MRPS6: variants seen among roughly 807,000 people sequenced by gnomAD.
MRPS6 encodes the protein mitochondrial ribosomal protein S6, also known as small ribosomal subunit protein bS6m.
Under a neutral mutation model 13.1 loss-of-function variants are expected in MRPS6, and 6 were observed. The ratio of observed to expected loss-of-function variants is 0.46; its 90% CI spans 0.25 to 0.91. MRPS6 has a LOEUF of 0.91. MRPS6 is among the 40% of genes least tolerant of loss of function. MRPS6 has a pLI of 0.18. For synonymous variants in MRPS6, 61 were observed against 56.5 expected (o/e 1.08, Z -0.36); for missense variants, 164 against 155.6 (o/e 1.05, Z -0.29).
intron 1 of MRPS6, among the ~76,000 whole-genome samples, chr21:34,110,928 A>G (rs774171065): frequency 3.3e-4 from 51 of 152,312 alleles, no homozygotes; most frequent in Non-Finnish European, 5.9e-4. Context: ...ACGCTTAGGA[A>G]CACTAGACAG....
intron 1 of MRPS6, among the ~76,000 whole-genome samples, chr21:34,078,178 T>G (rs1989378231): frequency 2.0e-5 from 3 of 152,172 alleles, no homozygotes; most frequent in Admixed American, 1.3e-4. Context: ...CCTAAACAGC[T>G]TAGCCTTGTA....
intron 1 of MRPS6, among the ~76,000 whole-genome samples, chr21:34,119,447 G>A (rs1980044837): frequency 6.6e-6 from 1 of 152,162 alleles, no homozygotes; most frequent in Non-Finnish European, 1.5e-5. Flanking sequence ...GTAAGATTTG[G>A]AATTAAGATT....
Position 34,128,559 on chromosome 21 carries a change from A to G in MRPS6, c.185+3079A>G, listed in dbSNP as rs185858627. Among the ~76,000 whole-genome samples, 159 of 152,318 alleles carry G rather than the reference A, an allele frequency of 1.0e-3. 2 individuals carry two copies. The highest frequency in any genetic ancestry group is 3.6e-3 in the African/African-American group (151 of 41,572). On this transcript the variant is annotated intron_variant, in intron 2 of 2. Coordinates refer to ENST00000399312, the MANE Select transcript of MRPS6 (RefSeq NM_032476.4). ...TCCAGTTTATGCCAAAAATAAAAAT[A>G]TAGTCATTATATTTCAAATATTAGT... is the stretch of plus-strand genomic sequence containing the variant.
intron 1 of MRPS6, chr21:34,105,009 T>A: frequency 1.0e-6 from 1 of 1,000,074 alleles, no homozygotes; most frequent in Non-Finnish European, 1.2e-6. Flanking sequence ...CACTGTGAGA[T>A]CTCTAACTTT....
chr21:34,099,562 T>C (rs1979137522), intron 1 of MRPS6: 1 of 999,896 alleles, frequency 1.0e-6, no homozygotes, highest in Non-Finnish European at 1.2e-6. Flanking sequence ...GGGCAGCCTA[T>C]CTCTTCCATA....
rs1978975717 is a variant in MRPS6, at chr21:34,096,622, T to C, written c.45+22877T>C. 2.5e-6 allele frequency: 4 copies of C among 1,614,180 alleles called. No homozygotes were observed. The highest frequency in any genetic ancestry group is 2.2e-5 in the East Asian group (1 of 44,888). On this transcript the variant is annotated intron_variant, in intron 1 of 2. Coordinates refer to ENST00000399312, the MANE Select transcript of MRPS6 (RefSeq NM_032476.4). The surrounding 1 kb of genome is among the most constrained non-coding windows in gnomAD (Gnocchi z 5.9). ...GAACAAGGGGCTTTCTATGGTGGAA[T>C]GGCTGGCTTTGTTCTTGGAGCAGTC...
intron 1 of MRPS6, among the ~76,000 whole-genome samples, chr21:34,110,844 C>T (rs188248119): frequency 2.0e-5 from 3 of 152,162 alleles, no homozygotes; most frequent in Non-Finnish European, 4.4e-5. Context: ...TGCTCAAGAC[C>T]GATAGCGCTA....
intron 2 of MRPS6, 146 bp downstream of exon 2, chr21:34,125,626 G>A (rs1203328781): frequency 3.2e-6 from 4 of 1,248,506 alleles, no homozygotes; most frequent in Non-Finnish European, 4.3e-6. Context: ...TGGCAGTCTT[G>A]TGTTGCAGAT....
In MRPS6 at chr21:34,137,675, G is replaced by A. The variant is rs779580290; in HGVS notation, c.186-4733G>A. Among the ~76,000 whole-genome samples, 17 of 152,224 alleles carry A rather than the reference G, an allele frequency of 1.1e-4. No individual in the cohort carries two copies. The Middle Eastern group carries it at 0.01, about 91-fold the overall frequency. On this transcript the variant is annotated intron_variant, in intron 2 of 2. Transcript: ENST00000399312. ...TTTCTGGTTTGTTCCCAGTCTTAGG[G>A]GAAGAACATTTAGATATTCACCAGC...
At chr21:34,125,581 C>T in intron 2 of MRPS6, 101 bp downstream of exon 2, 1 of 1,510,502 alleles carries the variant, frequency 6.6e-7, no homozygotes, top group Non-Finnish European at 8.9e-7. Flanking sequence ...CATTGAGACC[C>T]CTGTTGCGCC....
chr21:34,081,172 G>T (rs1989450588), intron 1 of MRPS6, among the ~76,000 whole-genome samples: 1 of 152,028 alleles, frequency 6.6e-6, no homozygotes, highest in Admixed American at 6.5e-5. Flanking sequence ...GTTTTACAAG[G>T]ATCTTTTAAA....
At chr21:34,086,815 T>C (rs1011701934) in intron 1 of MRPS6, among the ~76,000 whole-genome samples, 1 of 90 alleles carries the variant, frequency 0.011, no homozygotes, top group Non-Finnish European at 0.25. Flanking sequence ...TGAACTCAAG[T>C]TGTAATGGAG....
chr21:34,111,114 G>A (rs1979681339), intron 1 of MRPS6, among the ~76,000 whole-genome samples: 1 of 152,192 alleles, frequency 6.6e-6, no homozygotes, highest in African/African-American at 2.4e-5. Flanking sequence ...GTGTGCAATA[G>A]GGGACTGCAG....
Position 34,125,494 on chromosome 21 carries a change from T to A in MRPS6, c.185+14T>A. The stretch of plus-strand genomic sequence containing the variant: ...CAACAGAGGCGGGTAAGTTTCTTCA[T>A]GAAGTCTTGAAAGACGTTTTTGATA... On this transcript the variant is annotated intron_variant, in intron 2 of 2. Coordinates refer to ENST00000399312, the MANE Select transcript of MRPS6 (RefSeq NM_032476.4). 2 of 1,612,228 alleles carry A rather than the reference T, an allele frequency of 1.2e-6. No individual in the cohort carries two copies. The highest frequency in any genetic ancestry group is 1.7e-6 in the Non-Finnish European group (2 of 1,179,374).
intron 1 of MRPS6, among the ~76,000 whole-genome samples, chr21:34,076,020 G>A (rs190147777): frequency 5.6e-4 from 85 of 152,262 alleles, no homozygotes; most frequent in African/African-American, 1.9e-3. Flanking sequence ...TATCTTCCAC[G>A]TTTTTAGATT....
intron 1 of MRPS6, chr21:34,105,629 G>A: frequency 1.2e-5 from 12 of 999,934 alleles, no homozygotes; most frequent in Non-Finnish European, 1.4e-5. Context: ...TGTCATTTTA[G>A]TTAGGCATTG....
chr21:34,117,524 G>T (rs760629747), intron 1 of MRPS6, among the ~76,000 whole-genome samples: 1 of 151,996 alleles, frequency 6.6e-6, no homozygotes, highest in African/African-American at 2.4e-5. Flanking sequence ...TATCTGTATC[G>T]CAGACTTTTT....
At chr21:34,108,938 G>C (rs1979590614) in intron 1 of MRPS6, among the ~76,000 whole-genome samples, 1 of 152,068 alleles carries the variant, frequency 6.6e-6, no homozygotes. Context: ...GCTCTCTCCT[G>C]CTTAGAGCCC....
At chr21:34,102,354 G>T in intron 1 of MRPS6, 2 of 999,776 alleles carry the variant, frequency 2.0e-6, no homozygotes, top group African/African-American at 3.5e-5. Flanking sequence ...TTAAAGGAAT[G>T]TTGTGAGAAT....
Sources: allele counts gnomAD v4.1 joint callset (sites outside exome capture counted in the v4.1 genomes callset), GRCh38; gene constraint gnomAD v4.1.1; non-coding constraint Gnocchi (gnomAD v3.1); transcripts MANE v1.5; gene names NCBI Gene and HGNC (gene_info 2026-07-23, HGNC 2026-07-21).